UNC5C: variants seen among roughly 807,000 people sequenced by gnomAD.
UNC5C encodes the protein unc-5 netrin receptor C, also known as netrin receptor UNC5C.
Under a neutral mutation model 99.8 loss-of-function variants are expected in UNC5C, and 47 were observed. The observed-to-expected ratio is 0.47, with a 90% CI of 0.37 to 0.60. The LOEUF is 0.60. UNC5C is among the 20% of genes least tolerant of loss of function. The pLI, the probability that UNC5C is intolerant of heterozygous loss-of-function variation, is 0.00. For synonymous variants in UNC5C, 487 were observed against 452.2 expected, an observed-to-expected ratio of 1.08 and a Z score of -0.98; for missense variants, 1,062 against 1,165.9, an observed-to-expected ratio of 0.91 and a Z score of 1.30.
At chr4:95,324,468 AAATGT>A (rs1170423101) in intron 2 of UNC5C, among the ~76,000 whole-genome samples, 8 of 152,180 alleles carry the variant, frequency 5.3e-5, no homozygotes, top group Non-Finnish European at 1.0e-4. Context: ...AGTGCACAAT[AAATGT>A]AATGTACTTG....
intron 1 of UNC5C, among the ~76,000 whole-genome samples, chr4:95,366,141 C>T (rs1036471450): frequency 6.6e-6 from 1 of 151,896 alleles, no homozygotes; most frequent in Non-Finnish European, 1.5e-5. Flanking sequence ...GAAGTGAAGT[C>T]GAGGTAAGCA....
Position 95,216,186 on chromosome 4 carries a change from C to T in UNC5C, c.1671G>A (p.Gly557=). ...NSGVSLLIPA[G]AIPQGRVYEM... is the part of the protein sequence containing the mutation. The stretch of plus-strand genomic sequence containing the variant: ...CGTAGACTCTCCCTTGGGGAATGGC[C>T]CCAGCGGGAATCAGCAAGCTGACTC... The change falls in exon 10 of 16, where the codon GGG becomes GGA. Residue 557 remains glycine, a synonymous_variant. Transcript: ENST00000453304. 2 of 1,613,500 alleles carry T rather than the reference C, an allele frequency of 1.2e-6. No homozygotes were observed. Among genetic ancestry groups the T allele is most frequent in the South Asian group, 2.2e-5 (2 of 91,064 alleles).
chr4:95,510,061 A>C (rs1305187943), intron 1 of UNC5C, among the ~76,000 whole-genome samples: 5 of 152,006 alleles, frequency 3.3e-5, no homozygotes, highest in Admixed American at 1.3e-4. Context: ...TAACTAAAAA[A>C]CAATAATATA....
rs1346581010 is a variant in UNC5C at position 95,164,686 on chromosome 4, T to A, written c.*4548A>T. The stretch of plus-strand genomic sequence containing the variant: ...TGATGTACTGCTTCACAAAAGCTCT[T>A]CCATTCTCAAAGAAGATGGATAAAG... On this transcript the variant is annotated 3_prime_UTR_variant, in exon 16 of 16. Transcript: ENST00000453304. 6.6e-6 allele frequency: 1 copy of A among 152,228 alleles called. No individual in the cohort carries two copies. The highest frequency in any genetic ancestry group is 2.4e-5 in the African/African-American group (1 of 41,462). The allele number at this position is 152,228 out of a possible 1,614,324, so 9.4% of individuals were successfully genotyped here.
intron 2 of UNC5C, among the ~76,000 whole-genome samples, chr4:95,334,407 G>A (rs1343806821): frequency 1.3e-5 from 2 of 151,826 alleles, no homozygotes; most frequent in Non-Finnish European, 2.9e-5. Flanking sequence ...TTCAATTTTT[G>A]TCATGCTTGA....
chr4:95,435,138 G>A (rs893543075), intron 1 of UNC5C, among the ~76,000 whole-genome samples: 2 of 151,986 alleles, frequency 1.3e-5, no homozygotes, highest in African/African-American at 4.8e-5. Context: ...ACAAACAAAA[G>A]GTTTTGAAAT....
intron 1 of UNC5C, among the ~76,000 whole-genome samples, chr4:95,409,078 T>G (rs1745905920): frequency 1.3e-5 from 2 of 152,230 alleles, no homozygotes; most frequent in African/African-American, 4.8e-5. Context: ...TATTTGATTC[T>G]CTTATTTCAA....
chr4:95,330,177 G>A (rs569379837), intron 2 of UNC5C, among the ~76,000 whole-genome samples: 3 of 151,880 alleles, frequency 2.0e-5, no homozygotes, highest in East Asian at 3.9e-4. Context: ...TAATCTGTAC[G>A]TTTTGTCCTC....
At chr4:95,424,518 C>CTTTCTTTTTT (rs1746411107) in intron 1 of UNC5C, among the ~76,000 whole-genome samples, 2 of 67,948 alleles carry the variant, frequency 2.9e-5, no homozygotes, top group Admixed American at 1.8e-4. Flanking sequence ...TTTTTCTTTT[C>CTTTCTTTTTT]TTTTTTTTTT....
At chr4:95,539,159 G>A (rs367795997) in intron 1 of UNC5C, among the ~76,000 whole-genome samples, 1 of 152,146 alleles carries the variant, frequency 6.6e-6, no homozygotes, top group East Asian at 1.9e-4. Context: ...CCCAGAGAGG[G>A]GTTCATAAAT....
At chr4:95,193,239 C>G (rs529019669) in intron 12 of UNC5C, among the ~76,000 whole-genome samples, 12 of 152,310 alleles carry the variant, frequency 7.9e-5, no homozygotes, top group African/African-American at 2.9e-4. Context: ...GAGGTAGCTA[C>G]TGAGGGAAAG....
chr4:95,520,065 A>T (rs942097968), intron 1 of UNC5C, among the ~76,000 whole-genome samples: 2 of 152,148 alleles, frequency 1.3e-5, no homozygotes, highest in African/African-American at 2.4e-5. Context: ...CACTCCAAAC[A>T]CTTTGAGATC....
intron 7 of UNC5C, among the ~76,000 whole-genome samples, chr4:95,234,489 T>C (rs1739033922): frequency 6.6e-6 from 1 of 152,186 alleles, no homozygotes; most frequent in Non-Finnish European, 1.5e-5. Flanking sequence ...TAACTCGTCA[T>C]TTAACTTACC....
At chr4:95,397,620 C>T (rs1396801670) in intron 1 of UNC5C, among the ~76,000 whole-genome samples, 2 of 152,286 alleles carry the variant, frequency 1.3e-5, no homozygotes, top group Middle Eastern at 3.4e-3. Context: ...TAGAAACTTA[C>T]ATAACTCTTT....
At chr4:95,489,556 T>C (rs1334754815) in intron 1 of UNC5C, among the ~76,000 whole-genome samples, 2 of 151,742 alleles carry the variant, frequency 1.3e-5, no homozygotes. Context: ...GTGTTTTGGA[T>C]GGGCAAGAGT....
chr4:95,472,564 T>C (rs1053868058), intron 1 of UNC5C, among the ~76,000 whole-genome samples: 2 of 152,124 alleles, frequency 1.3e-5, no homozygotes, highest in African/African-American at 4.8e-5. Context: ...AAATGAATGG[T>C]TCATTTTATC....
At chr4:95,198,665 G>C (rs1235841445) in intron 12 of UNC5C, among the ~76,000 whole-genome samples, 3 of 152,112 alleles carry the variant, frequency 2.0e-5, no homozygotes, top group Non-Finnish European at 4.4e-5. Flanking sequence ...ATCCAGCCTG[G>C]GCAGTGAAGA....
At chr4:95,230,956 C>A (rs545921496) in intron 7 of UNC5C, among the ~76,000 whole-genome samples, 65 of 152,046 alleles carry the variant, frequency 4.3e-4, no homozygotes, top group African/African-American at 1.5e-3. Flanking sequence ...TTAAATTGAG[C>A]TCAATTCAAT....
rs184932276 is a variant in UNC5C, at chr4:95,424,683, A to G, written c.125-89052T>C. 2.7e-3 allele frequency among the ~76,000 whole-genome samples: 411 copies of G among 150,208 alleles called. 2 individuals are homozygous for G. Among genetic ancestry groups the G allele is most frequent in the African/African-American group, 9.4e-3 (387 of 40,974 alleles). ...ACTACAGGTGCCCCCCACCACGCCC[A>G]GCTAATTTTTTTGTATTTTTTAGTA... On this transcript the variant is annotated intron_variant, in intron 1 of 15. Coordinates refer to ENST00000453304, the MANE Select transcript of UNC5C (RefSeq NM_003728.4).
Sources: gnomAD v4.1 joint callset for allele counts (sites outside exome capture counted in the v4.1 genomes callset) on GRCh38, gnomAD v4.1.1 for gene constraint, MANE v1.5 for transcripts, NCBI Gene and HGNC (gene_info 2026-07-23, HGNC 2026-07-21) for gene names.